Variants in NAALADL2 observed in about 807,000 individuals in gnomAD.
The protein encoded by NAALADL2 is N-acetylated alpha-linked acidic dipeptidase like 2.
Under a neutral mutation model 87.2 loss-of-function variants are expected in NAALADL2, and 76 were observed. The observed-to-expected ratio is 0.87, with a 90% confidence interval of 0.72 to 1.05. The LOEUF (loss-of-function observed/expected upper bound fraction) is 1.05, where lower values mean the gene tolerates loss of function less well. Ranked by LOEUF, NAALADL2 falls within the 50% of genes least tolerant of loss-of-function variation. The pLI is 0.00. For missense variants in NAALADL2, 1,089 were observed against 945.8 expected, an observed-to-expected ratio of 1.15 and a Z score of -1.99; for synonymous variants, 354 against 331.0, an observed-to-expected ratio of 1.07 and a Z score of -0.75.
At chr3:175,174,922 A>G (rs1164599225) in intron 2 of NAALADL2, among the ~76,000 whole-genome samples, 1 of 152,028 alleles carries the variant, frequency 6.6e-6, no homozygotes, top group Non-Finnish European at 1.5e-5. Context: ...ACTTTTGACC[A>G]TTAATCTTCT....
intron 3 of NAALADL2, among the ~76,000 whole-genome samples, chr3:174,787,588 T>TATATATATATATATAC (rs1716861057): frequency 1.6e-5 from 1 of 61,270 alleles, no homozygotes; most frequent in African/African-American, 5.4e-5. Context: ...TATATATATA[T>TATATATATATATATAC]ATATATATAT....
chr3:175,128,793 A>G (rs1326540294), intron 2 of NAALADL2, among the ~76,000 whole-genome samples: 1 of 151,992 alleles, frequency 6.6e-6, no homozygotes, highest in Non-Finnish European at 1.5e-5. Context: ...ATCAAATCCA[A>G]TATTTTTACT....
chr3:174,765,529 C>A (rs1713694215), intron 3 of NAALADL2, among the ~76,000 whole-genome samples: 1 of 152,108 alleles, frequency 6.6e-6, no homozygotes, highest in African/African-American at 2.4e-5. Context: ...GCCATTTTCA[C>A]TATGGGCCCT....
At chr3:174,659,241 A>G (rs187592771) in intron 2 of NAALADL2, among the ~76,000 whole-genome samples, 265 of 152,278 alleles carry the variant, frequency 1.7e-3, no homozygotes, top group African/African-American at 6.2e-3. Context: ...AATCAAAACT[A>G]TGTTCCCTCG....
intron 2 of NAALADL2, among the ~76,000 whole-genome samples, chr3:174,631,122 ATGT>A: frequency 6.6e-6 from 1 of 152,146 alleles, no homozygotes; most frequent in East Asian, 1.9e-4. Flanking sequence ...TCATGATTAC[ATGT>A]TGTTTACTGT....
At chr3:174,995,034 G>T (rs529113990) in intron 1 of NAALADL2, among the ~76,000 whole-genome samples, 2 of 152,000 alleles carry the variant, frequency 1.3e-5, no homozygotes, top group South Asian at 4.2e-4. Context: ...GGGTTTAGAA[G>T]GCCATGTTTA....
chr3:175,213,209 A>T (rs6767030), intron 2 of NAALADL2, among the ~76,000 whole-genome samples: 12,135 of 152,180 alleles, frequency 0.08, 1,331 homozygotes, highest in African/African-American at 0.24. Flanking sequence ...AATCAATGCC[A>T]GACTGTCTCT....
intron 2 of NAALADL2, among the ~76,000 whole-genome samples, chr3:174,658,148 G>A (rs1725154366): frequency 1.3e-5 from 2 of 152,250 alleles, no homozygotes; most frequent in South Asian, 4.1e-4. Context: ...TAGTATGATT[G>A]TTGGATTGTA....
At chr3:174,919,411 T>A (rs992135304) in intron 1 of NAALADL2, among the ~76,000 whole-genome samples, 4 of 152,206 alleles carry the variant, frequency 2.6e-5, no homozygotes, top group African/African-American at 9.7e-5. Flanking sequence ...TTCAGCAATG[T>A]TCACTTACTT....
chr3:174,681,316 C>A (rs1474384779), intron 2 of NAALADL2, among the ~76,000 whole-genome samples: 1 of 152,120 alleles, frequency 6.6e-6, no homozygotes, highest in African/African-American at 2.4e-5. Flanking sequence ...AGGCTTGAAG[C>A]CAGTAGACTT....
At chr3:175,049,661 A>C (rs954571651) in intron 1 of NAALADL2, among the ~76,000 whole-genome samples, 4 of 152,124 alleles carry the variant, frequency 2.6e-5, no homozygotes, top group African/African-American at 9.7e-5. Flanking sequence ...TTTCCTGATG[A>C]GGTTTTATCC....
At chr3:175,780,254 T>G (rs1033538846) in intron 13 of NAALADL2, among the ~76,000 whole-genome samples, 18 of 150,818 alleles carry the variant, frequency 1.2e-4, no homozygotes, top group Admixed American at 4.6e-4. Flanking sequence ...CCAGCCTGGG[T>G]GACAGAGCGA....
At chr3:174,624,204 A>C (rs13072735) in intron 2 of NAALADL2, among the ~76,000 whole-genome samples, 57,022 of 151,980 alleles carry the variant, frequency 0.38, 11,545 homozygotes, top group Middle Eastern at 0.5. Context: ...ATGGTAGAAA[A>C]GTAAGAAAAA....
At chr3:175,542,612 G>A (rs997691402) in intron 9 of NAALADL2, among the ~76,000 whole-genome samples, 4 of 151,938 alleles carry the variant, frequency 2.6e-5, no homozygotes, top group Admixed American at 2.0e-4. Context: ...CACCCACCTC[G>A]GCCTCCCAAA....
At chr3:175,686,813 A>G (rs1394251323) in intron 11 of NAALADL2, among the ~76,000 whole-genome samples, 1 of 152,200 alleles carries the variant, frequency 6.6e-6, no homozygotes, top group Non-Finnish European at 1.5e-5. Flanking sequence ...CCTAATTTGA[A>G]GGAAGCCCAA....
intron 2 of NAALADL2, among the ~76,000 whole-genome samples, chr3:174,694,684 C>T (rs915669005): frequency 7.9e-5 from 12 of 151,994 alleles, no homozygotes; most frequent in African/African-American, 2.9e-4. Context: ...TTTGAGCAAA[C>T]TTTGAAGAGA....
At chr3:175,136,824 T>A (rs1461487721) in intron 2 of NAALADL2, among the ~76,000 whole-genome samples, 1 of 152,146 alleles carries the variant, frequency 6.6e-6, no homozygotes, top group Non-Finnish European at 1.5e-5. Context: ...ACAGTGACCT[T>A]GTGTTTCTAT....
chr3:175,800,031 T>C (rs9290568), intron 13 of NAALADL2, among the ~76,000 whole-genome samples: 24,610 of 152,198 alleles, frequency 0.16, 2,579 homozygotes, highest in East Asian at 0.32. Flanking sequence ...TATTTATTTA[T>C]TGAATATATA....
intron 1 of NAALADL2, among the ~76,000 whole-genome samples, chr3:174,899,358 A>G (rs77013727): frequency 0.015 from 2,236 of 152,274 alleles, 46 homozygotes; most frequent in African/African-American, 0.05. Flanking sequence ...TTGAAACATA[A>G]TCCCCAGTGT....
Sources: gnomAD v4.1 joint callset for allele counts (sites outside exome capture counted in the v4.1 genomes callset) on GRCh38, gnomAD v4.1.1 for gene constraint, MANE v1.5 for transcripts, NCBI Gene and HGNC (gene_info 2026-07-23, HGNC 2026-07-21) for gene names.